PCSK7: variants seen among roughly 807,000 people sequenced by gnomAD.
PCSK7 encodes lymphoma proprotein convertase.
A neutral mutation model predicts 73.3 loss-of-function variants in PCSK7; 38 were observed. The ratio of observed to expected loss-of-function variants is 0.52; its 90% CI spans 0.40 to 0.68. The LOEUF is 0.68. PCSK7 is among the 30% of genes least tolerant of loss of function. The probability of loss-of-function intolerance (pLI) is 0.00; values close to 1 mark genes in which losing one functional copy is unlikely to be tolerated. For missense variants in PCSK7, 692 were observed against 991.5 expected, an observed-to-expected ratio of 0.70 and a Z score of 4.06; for synonymous variants, 296 against 383.8, an observed-to-expected ratio of 0.77 and a Z score of 2.68.
rs1799862 is a variant in PCSK7 at position 117,204,591 on chromosome 11, C to G, written c.*1406G>C. On this transcript the variant is annotated 3_prime_UTR_variant, in exon 17 of 17. Coordinates refer to ENST00000320934, the MANE Select transcript of PCSK7 (RefSeq NM_004716.4). ...CCTTGGCCCCTCCCTCCCGGCTGCC[C>G]CCATCACCTCTACTGTCTCCTCCCT... 1.3e-4 allele frequency: 85 copies of G among 650,878 alleles called. No individual in the cohort carries two copies. The highest frequency in any genetic ancestry group is 8.1e-4 in the Middle Eastern group (2 of 2,458). 40.3% of individuals were successfully genotyped at this position (650,878 alleles called of 1,614,324 possible).
intron 12 of PCSK7, chr11:117,217,419 T>G (rs2032030000): frequency 6.6e-6 from 1 of 152,268 alleles, no homozygotes; most frequent in African/African-American, 2.4e-5. Context: ...CTTCTCTGAC[T>G]TGGCTGACGC....
chr11:117,215,529 T>A (rs1364538808), intron 12 of PCSK7: 3 of 149,780 alleles, frequency 2.0e-5, no homozygotes, highest in African/African-American at 7.4e-5. Context: ...GCCTCCCGAG[T>A]AGCTGGGACT....
rs748931794 is a variant in PCSK7, at chr11:117,204,709, CA to C, written c.*1287del. 1.0e-5 allele frequency: 4 copies of C among 381,276 alleles called. No homozygotes were observed. The highest frequency in any genetic ancestry group is 2.1e-5 in the African/African-American group (1 of 48,292). 23.6% of individuals were successfully genotyped at this position (381,276 alleles called of 1,614,324 possible). On this transcript the variant is annotated 3_prime_UTR_variant, in exon 17 of 17. Transcript: ENST00000320934. ...CGGCAAAAGCCCATTGAAGAAGAAC[CA>C]GCCCAGCCTGCCCCCTATCTTGTCC...
chr11:117,219,765 G>C lies in PCSK7; in HGVS notation c.1156-7C>G. 1 of 1,569,412 alleles carries C rather than the reference G, an allele frequency of 6.4e-7. No individual in the cohort carries two copies. Among genetic ancestry groups the C allele is most frequent in the Non-Finnish European group, 8.6e-7 (1 of 1,158,026 alleles). On this transcript the variant is annotated splice_polypyrimidine_tract_variant and splice_region_variant and intron_variant, in intron 9 of 16. Transcript: ENST00000320934. ...GGTCCCAGTCAGTGGTCACCTGGAAGTGAAACAGGAAAAGGAAGTAGGTTA... is the reference window on the plus strand; with the variant it reads ...GGTCCCAGTCAGTGGTCACCTGGAACTGAAACAGGAAAAGGAAGTAGGTTA...
intron 12 of PCSK7, chr11:117,211,425 TAATTCC>T (rs999197110): frequency 8.5e-5 from 13 of 152,268 alleles, no homozygotes; most frequent in African/African-American, 3.1e-4. Flanking sequence ...TCATTTTCTA[TAATTCC>T]ATCTGTCACC....
Position 117,225,939 on chromosome 11 carries a change from G to T in PCSK7, c.852C>A (p.Tyr284Ter). 3.1e-6 allele frequency: 5 copies of T among 1,600,186 alleles called. No homozygotes were observed. The highest frequency in any genetic ancestry group is 3.4e-6 in the Non-Finnish European group (4 of 1,167,320). Residue 284 changes from tyrosine (Y) to a stop codon, truncating the protein, a stop_gained, in exon 6 of 17, where the codon TAC becomes TAA. Transcript: ENST00000320934. LOFTEE classifies it high-confidence loss of function. ...FNKHYQINDI[Y>*]SCSWGPDDDG... ...CTGCAGCTCTGCCTCACCTGCAGCT[G>T]TAGATGTCATTGATCTGATAGTGCT...
chr11:117,218,220 C>A lies in PCSK7; in HGVS notation c.1534+246G>T. ...TCCCATGCCTCCCACCCGCCCTCCT[C>A]CTCAGTTGCTCTGCTGCTCCTTTTC... is the stretch of plus-strand genomic sequence containing the variant. On this transcript the variant is annotated intron_variant, in intron 12 of 16. Transcript: ENST00000320934. The surrounding 1 kb of genome is among the most constrained non-coding windows in gnomAD (Gnocchi z 4.0). 5.0e-6 allele frequency: 1 copy of A among 199,468 alleles called. No individual in the cohort carries two copies. The highest frequency in any genetic ancestry group is 1.0e-5 in the Non-Finnish European group (1 of 97,908). 12.4% of individuals were successfully genotyped at this position (199,468 alleles called of 1,614,324 possible). A position where few individuals can be genotyped will look rare whatever the true frequency, so the allele number is the denominator to read the frequency against.
intron 3 of PCSK7, among the ~76,000 whole-genome samples, chr11:117,228,909 C>T (rs1365117352): frequency 6.6e-6 from 1 of 152,152 alleles, no homozygotes; most frequent in African/African-American, 2.4e-5. Context: ...CGTGAGCCAC[C>T]GCACCGGGCC....
chr11:117,224,643 C>G, intron 7 of PCSK7, 58 bp downstream of exon 7: 1 of 1,362,178 alleles, frequency 7.3e-7, no homozygotes, highest in South Asian at 1.2e-5. Context: ...CAGCAGTTCT[C>G]CCGGGACTGT....
intron 6 of PCSK7, chr11:117,225,615 G>A: frequency 2.6e-6 from 1 of 382,030 alleles, no homozygotes. Flanking sequence ...TGGGGGATTG[G>A]TGTTGGGCAT....
At chr11:117,224,459 G>C (rs1321585410) in intron 7 of PCSK7, among the ~76,000 whole-genome samples, 1 of 152,172 alleles carries the variant, frequency 6.6e-6, no homozygotes, top group African/African-American at 2.4e-5. Flanking sequence ...CAGAGGACAG[G>C]GTGGGGCCAG....
Position 117,204,390 on chromosome 11 carries a change from T to G in PCSK7, c.*1607A>C, listed in dbSNP as rs539235979. 16 of 1,613,840 alleles carry G rather than the reference T, an allele frequency of 9.9e-6. No homozygotes were observed. In the East Asian group the frequency reaches 3.3e-4, roughly 34 times the overall value. ...AGAGGGCTAGCCCTGAGCCCGGCCC[T>G]CCCCCAGCTCCTTGGCTGCAGCCAT... On this transcript the variant is annotated 3_prime_UTR_variant, in exon 17 of 17. Transcript: ENST00000320934.
intron 12 of PCSK7, 71 bp from the exon 13 acceptor site, chr11:117,209,124 CAA>C (rs2031589743): frequency 1.9e-6 from 2 of 1,046,350 alleles, no homozygotes; most frequent in Admixed American, 2.1e-5. Flanking sequence ...CCCACGTACA[CAA>C]AGACACACGC....
chr11:117,223,911 C>T (rs536828214), intron 8 of PCSK7, 167 bp downstream of exon 8: 1 of 670,482 alleles, frequency 1.5e-6, no homozygotes, highest in East Asian at 2.7e-5. Context: ...GGTATGCTGA[C>T]ATCTAAGAAG....
In PCSK7 at chr11:117,205,282, A is replaced by G; in HGVS notation, c.*715T>C. 1 of 233,758 alleles carries G rather than the reference A, an allele frequency of 4.3e-6. No homozygotes were observed. The highest frequency in any genetic ancestry group is 6.0e-5 in the East Asian group (1 of 16,580). 14.5% of individuals were successfully genotyped at this position (233,758 alleles called of 1,614,324 possible). A position where few individuals can be genotyped will look rare whatever the true frequency, so the allele number is the denominator to read the frequency against. ...GAAGGCCATTTCCCTGAGCACTTGC[A>G]GAGGAAGACAGGGTGGTGGCAGGAC... On this transcript the variant is annotated 3_prime_UTR_variant, in exon 17 of 17. Transcript: ENST00000320934.
intron 9 of PCSK7, chr11:117,221,801 G>C (rs2032202440): frequency 6.6e-6 from 1 of 152,296 alleles, no homozygotes; most frequent in African/African-American, 2.4e-5. Flanking sequence ...AGTTCTGCTA[G>C]AGGGTGGAGT....
In PCSK7 at chr11:117,229,800, CA is replaced by C. The variant is rs762641364; in HGVS notation, c.44del (p.Leu15ArgfsTer11). The C allele has an allele frequency of 3.1e-6, 5 of 1,599,738 alleles. No homozygotes were observed. Among genetic ancestry groups the C allele is most frequent in the South Asian group, 2.2e-5 (2 of 89,388 alleles). ...RQKVPHLDAP[L>X]GLPTCLWLEL... ...CCAGCCAGAGGCAGGTGGGCAGGCC[CA>C]GGGGGGCATCCAAGTGTGGCACTTT... On this transcript the variant is annotated frameshift_variant, in exon 3 of 17. Transcript: ENST00000320934. LOFTEE classifies it high-confidence loss of function.
At chr11:117,219,856 C>A (rs1267262021) in intron 9 of PCSK7, 98 bp from the exon 10 acceptor site, 17 of 862,324 alleles carry the variant, frequency 2.0e-5, no homozygotes, top group Non-Finnish European at 8.7e-6. Flanking sequence ...GAGGCCCAGG[C>A]AGGAGGATTG....
At position 117,218,993 on chromosome 11, in the gene PCSK7, G is replaced by C; in HGVS notation, c.1431+64C>G. On this transcript the variant is annotated intron_variant, in intron 11 of 16. Coordinates refer to ENST00000320934, the MANE Select transcript of PCSK7 (RefSeq NM_004716.4). The surrounding 1 kb of genome is among the most constrained non-coding windows in gnomAD (Gnocchi z 4.0). Reference sequence around the variant, plus strand: ...ACCTATGATATCCCAGGCAGTTTGGGGCATTCAGCTCCGACCCTTGGTCAC... The same window carrying C: ...ACCTATGATATCCCAGGCAGTTTGGCGCATTCAGCTCCGACCCTTGGTCAC... The C allele has an allele frequency of 1.9e-6, 2 of 1,058,626 alleles. No individual in the cohort carries two copies. Among genetic ancestry groups the C allele is most frequent in the Non-Finnish European group, 2.8e-6 (2 of 713,884 alleles). The allele number at this position is 1,058,626 out of a possible 1,614,324, so 65.6% of individuals were successfully genotyped here.
Sources: gnomAD v4.1 joint callset for allele counts (sites outside exome capture counted in the v4.1 genomes callset) on GRCh38, gnomAD v4.1.1 for gene constraint, Gnocchi (gnomAD v3.1) non-coding constraint, MANE v1.5 for transcripts, NCBI Gene and HGNC (gene_info 2026-07-23, HGNC 2026-07-21) for gene names.